Variants in SLC23A2 observed in about 807,000 individuals in gnomAD.
SLC23A2 encodes Na(+)/L-ascorbic acid transporter 2.
SLC23A2 carries 36 observed loss-of-function variants against 73.3 expected under a neutral mutation model. The observed-to-expected ratio is 0.49, with a 90% CI of 0.38 to 0.65. The LOEUF (loss-of-function observed/expected upper bound fraction) is 0.65, where lower values mean the gene tolerates loss of function less well. Ranked by LOEUF, SLC23A2 falls within the 30% of genes least tolerant of loss-of-function variation. The probability of loss-of-function intolerance (pLI) is 0.00; values close to 1 mark genes in which losing one functional copy is unlikely to be tolerated. For synonymous variants in SLC23A2, 343 were observed against 327.3 expected, an observed-to-expected ratio of 1.05 and a Z score of -0.52; for missense variants, 507 against 841.6, an observed-to-expected ratio of 0.60 and a Z score of 4.92.
intron 13 of SLC23A2, among the ~76,000 whole-genome samples, 176 bp downstream of exon 13, chr20:4,867,594 G>A (rs1173735197): frequency 1.6e-5 from 2 of 124,318 alleles, no homozygotes; most frequent in Non-Finnish European, 3.2e-5. Flanking sequence ...AGCAAGAGAA[G>A]AGAGACTTCC....
intron 1 of SLC23A2, among the ~76,000 whole-genome samples, chr20:4,984,980 T>C (rs1266292310): frequency 6.6e-6 from 1 of 151,786 alleles, no homozygotes; most frequent in African/African-American, 2.4e-5. Flanking sequence ...CTACTAAAAA[T>C]ACAAAAATTA....
intron 2 of SLC23A2, among the ~76,000 whole-genome samples, chr20:4,938,051 GA>G (rs1455469609): frequency 7.3e-6 from 1 of 137,430 alleles, no homozygotes; most frequent in African/African-American, 2.9e-5. Flanking sequence ...TTTTTTTTGA[GA>G]TAGGATCTCA....
intron 1 of SLC23A2, among the ~76,000 whole-genome samples, chr20:4,986,008 C>A (rs1395018843): frequency 6.6e-6 from 1 of 152,164 alleles, no homozygotes; most frequent in African/African-American, 2.4e-5. Context: ...GAATCCCTCT[C>A]CCGCCATGCC....
intron 2 of SLC23A2, among the ~76,000 whole-genome samples, chr20:4,935,119 G>A (rs1425130237): frequency 7.3e-5 from 11 of 150,116 alleles, no homozygotes; most frequent in Admixed American, 1.3e-4. Flanking sequence ...CCCAGGAGGC[G>A]GAGTTTGCAG....
intron 2 of SLC23A2, among the ~76,000 whole-genome samples, chr20:4,951,139 T>A (rs966885739): frequency 1.2e-4 from 19 of 152,204 alleles, no homozygotes; most frequent in African/African-American, 4.6e-4. Context: ...GAAGATTTGT[T>A]GCAGGAGCCA....
intron 5 of SLC23A2, among the ~76,000 whole-genome samples, chr20:4,901,889 C>T (rs1419119635): frequency 6.6e-6 from 1 of 152,092 alleles, no homozygotes; most frequent in Non-Finnish European, 1.5e-5. Flanking sequence ...TTCTATAACT[C>T]TATTTCCTTT....
intron 9 of SLC23A2, among the ~76,000 whole-genome samples, chr20:4,880,743 G>T (rs896815515): frequency 6.6e-6 from 1 of 151,840 alleles, no homozygotes; most frequent in Admixed American, 6.6e-5. Flanking sequence ...GCATGCCTGG[G>T]TGCTCAGAGC....
chr20:4,961,356 A>G (rs1266718425), intron 2 of SLC23A2, among the ~76,000 whole-genome samples: 1 of 152,034 alleles, frequency 6.6e-6, no homozygotes, highest in African/African-American at 2.4e-5. Context: ...TGCTGGGATT[A>G]CAGGCGTGAG....
intron 4 of SLC23A2, among the ~76,000 whole-genome samples, chr20:4,905,682 C>A (rs935520120): frequency 6.6e-6 from 1 of 152,156 alleles, no homozygotes; most frequent in African/African-American, 2.4e-5. Flanking sequence ...TAGTCTAGCA[C>A]CTTTGGGGTC....
Position 4,863,027 on chromosome 20 carries a change from T to C in SLC23A2, c.1357-120A>G. The C allele has an allele frequency of 1.1e-6, 1 of 934,080 alleles. No individual in the cohort carries two copies. Among genetic ancestry groups the C allele is most frequent in the Non-Finnish European group, 1.6e-6 (1 of 628,918 alleles). 57.9% of individuals were successfully genotyped at this position (934,080 alleles called of 1,614,324 possible). On this transcript the variant is annotated intron_variant, in intron 13 of 16. Coordinates refer to ENST00000338244, the MANE Select transcript of SLC23A2 (RefSeq NM_005116.6). This position sits in a 1 kb window ranked among gnomAD's most constrained non-coding sequence, Gnocchi z 4.8. ...CTGGCTCGCTACCTTCACCTCCTCC[T>C]CAGCCCACTCTTCTCACCTCCACTG...
At chr20:4,871,345 G>A (rs1007369654) in intron 11 of SLC23A2, among the ~76,000 whole-genome samples, 1 of 152,112 alleles carries the variant, frequency 6.6e-6, no homozygotes, top group Non-Finnish European at 1.5e-5. Context: ...AGGCGAAGTC[G>A]GGCCCTGGCC....
chr20:4,878,892 C>T (rs1246504201), intron 9 of SLC23A2, among the ~76,000 whole-genome samples: 1 of 152,180 alleles, frequency 6.6e-6, no homozygotes, highest in African/African-American at 2.4e-5. Context: ...TATTTAATTC[C>T]TCTACAGGCA....
At chr20:4,930,963 G>T (rs1431513344) in intron 3 of SLC23A2, among the ~76,000 whole-genome samples, 1 of 145,502 alleles carries the variant, frequency 6.9e-6, no homozygotes, top group Non-Finnish European at 1.5e-5. Flanking sequence ...AGGCAAGAGT[G>T]AGACTCAGTC....
At chr20:4,895,159 G>A (rs1338971620) in intron 6 of SLC23A2, among the ~76,000 whole-genome samples, 1 of 152,218 alleles carries the variant, frequency 6.6e-6, no homozygotes, top group Non-Finnish European at 1.5e-5. Context: ...TAGAAATCAC[G>A]AAAGCTGGAC....
At chr20:5,003,960 A>G (rs534415359), upstream of SLC23A2, among the ~76,000 whole-genome samples, 7 of 151,984 alleles carry the variant, frequency 4.6e-5, no homozygotes, top group South Asian at 1.5e-3. Flanking sequence ...AACTATCCAT[A>G]CACCCCCCTT....
rs1168944489 is a variant in SLC23A2 at position 4,957,395 on chromosome 20, A to C, written c.-155+13398T>G. ...GAGGATGGGTTGAACCTAGGAGTTC[A>C]ACGTTCAGTGAACTATGATCATGAC... On this transcript the variant is annotated intron_variant, in intron 2 of 16. Coordinates refer to ENST00000338244, the MANE Select transcript of SLC23A2 (RefSeq NM_005116.6). 2.6e-5 allele frequency among the ~76,000 whole-genome samples: 4 copies of C among 151,740 alleles called. 1 individual carries two copies. In the East Asian group the frequency reaches 7.8e-4, roughly 29 times the overall value.
intron 1 of SLC23A2, among the ~76,000 whole-genome samples, chr20:4,994,643 C>T (rs1374369589): frequency 6.6e-6 from 1 of 151,978 alleles, no homozygotes; most frequent in Admixed American, 6.6e-5. Flanking sequence ...ATTAGCCAGG[C>T]GTAGCTACTC....
chr20:4,896,694 AG>A (rs1931535084), intron 6 of SLC23A2, among the ~76,000 whole-genome samples: 1 of 152,134 alleles, frequency 6.6e-6, no homozygotes, highest in South Asian at 2.1e-4. Context: ...AGGCTTGCCT[AG>A]GCCCCCATCA....
intron 13 of SLC23A2, among the ~76,000 whole-genome samples, chr20:4,866,373 A>C (rs1358334043): frequency 6.6e-6 from 1 of 152,190 alleles, no homozygotes; most frequent in Admixed American, 6.5e-5. Context: ...GAGATTTGGG[A>C]TTAGTTATAT....
Sources: gnomAD v4.1 joint callset for allele counts (sites outside exome capture counted in the v4.1 genomes callset) on GRCh38, gnomAD v4.1.1 for gene constraint, Gnocchi (gnomAD v3.1) non-coding constraint, MANE v1.5 for transcripts, NCBI Gene and HGNC (gene_info 2026-07-23, HGNC 2026-07-21) for gene names.